The following KAZN variants were observed in gnomAD, a reference collection of about 807,000 sequenced individuals.
KAZN encodes the protein kazrin.
In KAZN, 40 loss-of-function variants were observed where a neutral mutation model predicts 87.4. That is an observed-to-expected ratio of 0.46 (90% CI 0.36 to 0.60). The LOEUF is 0.60. Ranked by LOEUF, KAZN falls within the 20% of genes least tolerant of loss-of-function variation. KAZN has a pLI of 0.00. For missense variants in KAZN, 898 were observed against 1,073.9 expected (o/e 0.84, Z 2.29); for synonymous variants, 466 against 458.3 (o/e 1.02, Z -0.22).
chr1:14,883,262 T>C (rs1420724617), intron 1 of KAZN, among the ~76,000 whole-genome samples: 1 of 145,374 alleles, frequency 6.9e-6, no homozygotes, highest in Admixed American at 7.0e-5. Flanking sequence ...TCCATTGCCC[T>C]CCAGCCTGGG....
intron 2 of KAZN, among the ~76,000 whole-genome samples, chr1:14,968,929 T>TA (rs1223395448): frequency 6.6e-6 from 1 of 152,208 alleles, no homozygotes; most frequent in African/African-American, 2.4e-5. Flanking sequence ...CAGTGTACCT[T>TA]ACTTGAATCC....
At chr1:14,398,836 C>T (rs561016924) in intron 2 of KAZN, among the ~76,000 whole-genome samples, 5 of 152,074 alleles carry the variant, frequency 3.3e-5, no homozygotes, top group African/African-American at 1.2e-4. Context: ...TGCAGGACCC[C>T]GTTGTGTTTC....
At chr1:14,388,971 G>C (rs190184687) in intron 2 of KAZN, among the ~76,000 whole-genome samples, 143 of 151,996 alleles carry the variant, frequency 9.4e-4, no homozygotes, top group African/African-American at 3.4e-3. Context: ...TTAATAAGCA[G>C]ATTATATAAG....
chr1:14,355,422 ATTT>A (rs1658935982), intron 2 of KAZN, among the ~76,000 whole-genome samples: 1 of 151,250 alleles, frequency 6.6e-6, no homozygotes, highest in Non-Finnish European at 1.5e-5. Context: ...TTATTTATTT[ATTT>A]ATTTATTTAT....
rs138796807 is a variant in KAZN, at chr1:14,009,852, G to A, written c.91+116096G>A. On this transcript the variant is annotated intron_variant, in intron 1 of 16. Transcript: ENST00000636203. ...GAATGTTGCAGTCATAACTGAAGGAGAACCCACTCTGTACACACAGGTGGG... is the reference window on the plus strand; with the variant it reads ...GAATGTTGCAGTCATAACTGAAGGAAAACCCACTCTGTACACACAGGTGGG... Among the ~76,000 whole-genome samples the A allele has an allele frequency of 7.0e-3, 1,062 of 152,288 alleles. 11 individuals carry two copies. The highest frequency in any genetic ancestry group is 0.024 in the African/African-American group (1,011 of 41,546).
chr1:14,902,359 G>A (rs1656022567), intron 1 of KAZN, among the ~76,000 whole-genome samples: 2 of 151,966 alleles, frequency 1.3e-5, no homozygotes, highest in Non-Finnish European at 2.9e-5. Context: ...CTGAGTAGCT[G>A]GGACTATAGG....
At chr1:14,001,021 A>T (rs1310747850) in intron 1 of KAZN, among the ~76,000 whole-genome samples, 1 of 151,924 alleles carries the variant, frequency 6.6e-6, no homozygotes, top group Non-Finnish European at 1.5e-5. Flanking sequence ...TGACCTCGTG[A>T]TCCGCCCGCC....
chr1:14,289,522 C>A (rs1373754676), intron 2 of KAZN, among the ~76,000 whole-genome samples: 1 of 146,498 alleles, frequency 6.8e-6, no homozygotes, highest in Non-Finnish European at 1.5e-5. Flanking sequence ...TTTTTTTTTA[C>A]TTTCCATTTG....
At chr1:14,078,289 G>A (rs1193511466) in intron 1 of KAZN, among the ~76,000 whole-genome samples, 1 of 152,136 alleles carries the variant, frequency 6.6e-6, no homozygotes, top group African/African-American at 2.4e-5. Flanking sequence ...TTGAGTGTCT[G>A]CTTATCCCGC....
At chr1:14,407,526 T>C (rs1173289024) in intron 2 of KAZN, among the ~76,000 whole-genome samples, 6 of 151,972 alleles carry the variant, frequency 3.9e-5, no homozygotes. Context: ...AATACCAGAG[T>C]TGCAAGAGAA....
At chr1:14,905,557 C>T (rs2101317321) in intron 1 of KAZN, among the ~76,000 whole-genome samples, 1 of 152,270 alleles carries the variant, frequency 6.6e-6, no homozygotes. Flanking sequence ...AAAAATAATA[C>T]AGCACAGGCT....
chr1:14,148,155 T>C (rs1319641404), intron 1 of KAZN, among the ~76,000 whole-genome samples: 1 of 151,466 alleles, frequency 6.6e-6, no homozygotes, highest in African/African-American at 2.4e-5. Context: ...GCCGTCATCA[T>C]GCCACTGCAC....
chr1:14,737,324 C>T (rs1466398709), intron 1 of KAZN, among the ~76,000 whole-genome samples: 1 of 152,154 alleles, frequency 6.6e-6, no homozygotes, highest in Admixed American at 6.5e-5. Flanking sequence ...ATTTGCCACT[C>T]AGCAGATGGT....
chr1:14,177,923 T>A (rs768141834), intron 1 of KAZN, among the ~76,000 whole-genome samples: 18 of 152,148 alleles, frequency 1.2e-4, no homozygotes, highest in Non-Finnish European at 1.9e-4. Context: ...AAAAAAATTG[T>A]TCATTTTTGA....
intron 1 of KAZN, among the ~76,000 whole-genome samples, chr1:14,629,335 C>T (rs1006723471): frequency 6.6e-6 from 1 of 152,202 alleles, no homozygotes; most frequent in African/African-American, 2.4e-5. Flanking sequence ...TTGCCATATT[C>T]GTTGCTGTAT....
At chr1:14,688,931 C>G (rs988074453) in intron 1 of KAZN, among the ~76,000 whole-genome samples, 1 of 152,150 alleles carries the variant, frequency 6.6e-6, no homozygotes, top group African/African-American at 2.4e-5. Context: ...CGGTGGCTCA[C>G]GCCTGTAATC....
At chr1:14,185,961 G>T (rs1190213953) in intron 2 of KAZN, among the ~76,000 whole-genome samples, 1 of 152,162 alleles carries the variant, frequency 6.6e-6, no homozygotes, top group Non-Finnish European at 1.5e-5. Flanking sequence ...TTGGAAATGA[G>T]ACTCAGAAAA....
At chr1:14,666,834 T>C (rs1027872276) in intron 1 of KAZN, among the ~76,000 whole-genome samples, 2 of 152,044 alleles carry the variant, frequency 1.3e-5, no homozygotes, top group African/African-American at 4.8e-5. Flanking sequence ...GCCTCCTGGG[T>C]TCAAGTGACT....
At chr1:14,547,740 G>A (rs548407593) in intron 2 of KAZN, among the ~76,000 whole-genome samples, 24 of 152,060 alleles carry the variant, frequency 1.6e-4, no homozygotes, top group African/African-American at 3.4e-4. Context: ...CCACCACCAC[G>A]CCCTGCTAAT....
Sources: gnomAD v4.1 joint callset for allele counts (sites outside exome capture counted in the v4.1 genomes callset) on GRCh38, gnomAD v4.1.1 for gene constraint, MANE v1.5 for transcripts, NCBI Gene and HGNC (gene_info 2026-07-23, HGNC 2026-07-21) for gene names.